The following PPARGC1A variants were observed in gnomAD, a reference collection of about 807,000 sequenced individuals.
The protein encoded by PPARGC1A is PPARG coactivator 1 alpha.
Under a neutral mutation model 88.7 loss-of-function variants are expected in PPARGC1A, and 25 were observed. That is an observed-to-expected ratio of 0.28 (90% CI 0.21 to 0.39). The LOEUF is 0.39. Among genes scored for constraint, PPARGC1A ranks in the 10% least tolerant of loss-of-function variants. The pLI is 1.00. For missense variants in PPARGC1A, 880 were observed against 968.7 expected (o/e 0.91, Z 1.22); for synonymous variants, 363 against 355.6 (o/e 1.02, Z -0.24).
At chr4:23,937,023 G>A in the PPARGC1A span, among the ~76,000 whole-genome samples, 2 of 151,998 alleles carry the variant, frequency 1.3e-5, no homozygotes, top group Non-Finnish European at 2.9e-5. Context: ...TCTGTGCGAA[G>A]TCACGAAGAA....
At chr4:24,164,976 G>A in the PPARGC1A span, among the ~76,000 whole-genome samples, 13 of 152,162 alleles carry the variant, frequency 8.5e-5, no homozygotes, top group East Asian at 3.9e-4. Flanking sequence ...TGAGGGGGAC[G>A]ATTCAAAGTC....
In PPARGC1A at chr4:23,814,635, AAGAG is replaced by A. The variant is rs377401173; in HGVS notation, c.878-34_878-31del. On this transcript the variant is annotated intron_variant, in intron 7 of 12. Transcript: ENST00000264867. Reference sequence around the variant, plus strand: ...GGCAAAAATTAAAAAAAAAAAAAAAAAGAGAGAGAAAGAAAAGAGACAGAGATAA... The same window carrying A: ...GGCAAAAATTAAAAAAAAAAAAAAAAAGAGAAAGAAAAGAGACAGAGATAA... 3.6e-3 allele frequency: 4,683 copies of A among 1,292,012 alleles called. 111 individuals are homozygous for A. In the African/African-American group the frequency reaches 0.063, roughly 17 times the overall value. 80.0% of individuals were successfully genotyped at this position (1,292,012 alleles called of 1,614,324 possible).
the PPARGC1A span, among the ~76,000 whole-genome samples, chr4:24,054,657 C>T: frequency 6.6e-6 from 1 of 152,136 alleles, no homozygotes; most frequent in Admixed American, 6.5e-5. Flanking sequence ...ATTCAACTGG[C>T]AAATGAGTTT....
At chr4:24,117,749 A>C in the PPARGC1A span, among the ~76,000 whole-genome samples, 6,548 of 152,052 alleles carry the variant, frequency 0.043, 405 homozygotes, top group African/African-American at 0.13. Flanking sequence ...TTTACAGAAA[A>C]AAGACATAAT....
the PPARGC1A span, among the ~76,000 whole-genome samples, chr4:24,134,962 C>T: frequency 6.6e-6 from 1 of 152,176 alleles, no homozygotes; most frequent in Non-Finnish European, 1.5e-5. Flanking sequence ...ACTTAATTCC[C>T]TTCCTGCACA....
the PPARGC1A span, among the ~76,000 whole-genome samples, chr4:24,268,034 C>T: frequency 6.6e-6 from 1 of 152,122 alleles, no homozygotes. Context: ...ATTCATACAT[C>T]TCTGTGATGT....
the PPARGC1A span, among the ~76,000 whole-genome samples, chr4:24,239,100 G>A: frequency 6.6e-6 from 1 of 152,018 alleles, no homozygotes; most frequent in Non-Finnish European, 1.5e-5. Flanking sequence ...CAGAAATTTA[G>A]GTTTCTTACT....
At chr4:24,241,225 T>C in the PPARGC1A span, among the ~76,000 whole-genome samples, 1 of 152,102 alleles carries the variant, frequency 6.6e-6, no homozygotes, top group East Asian at 1.9e-4. Flanking sequence ...ATCACAAAAG[T>C]TTAGTAAAAA....
the PPARGC1A span, among the ~76,000 whole-genome samples, chr4:24,456,455 A>G: frequency 2.9e-4 from 44 of 152,270 alleles, no homozygotes; most frequent in Non-Finnish European, 5.1e-4. Context: ...TGAGCTTGAT[A>G]TTCCATACGA....
At chr4:23,982,611 A>G in the PPARGC1A span, among the ~76,000 whole-genome samples, 1 of 152,190 alleles carries the variant, frequency 6.6e-6, no homozygotes, top group Admixed American at 6.5e-5. Context: ...ATAAATATTG[A>G]AGGACAACCA....
the PPARGC1A span, among the ~76,000 whole-genome samples, chr4:23,925,641 T>C: frequency 5.9e-5 from 9 of 152,264 alleles, no homozygotes; most frequent in South Asian, 2.1e-4. Context: ...AAAAGAAGAA[T>C]TGACCTAAGC....
chr4:24,309,705 C>A, the PPARGC1A span, among the ~76,000 whole-genome samples: 1 of 152,134 alleles, frequency 6.6e-6, no homozygotes, highest in Non-Finnish European at 1.5e-5. Context: ...CCTCAGCCTC[C>A]TGAGCAGCTA....
At chr4:23,868,642 C>T (rs866797142) in intron 2 of PPARGC1A, among the ~76,000 whole-genome samples, 11 of 152,134 alleles carry the variant, frequency 7.2e-5, no homozygotes, top group South Asian at 6.2e-4. Context: ...AAGGCCTTAA[C>T]GAAAGAAAAA....
At chr4:24,090,877 A>C in the PPARGC1A span, among the ~76,000 whole-genome samples, 2 of 152,240 alleles carry the variant, frequency 1.3e-5, no homozygotes, top group Non-Finnish European at 2.9e-5. Context: ...AGGTATTGTA[A>C]CGTATAAACA....
At chr4:24,271,981 T>A in the PPARGC1A span, among the ~76,000 whole-genome samples, 1 of 152,178 alleles carries the variant, frequency 6.6e-6, no homozygotes, top group Non-Finnish European at 1.5e-5. Flanking sequence ...CTGGTCTTCA[T>A]AAAAGTGACC....
chr4:24,224,707 C>T, the PPARGC1A span, among the ~76,000 whole-genome samples: 1 of 152,074 alleles, frequency 6.6e-6, no homozygotes, highest in Admixed American at 6.6e-5. Context: ...GTGGAGATGA[C>T]TGATCATAAT....
At chr4:24,242,924 G>A in the PPARGC1A span, among the ~76,000 whole-genome samples, 1 of 152,006 alleles carries the variant, frequency 6.6e-6, no homozygotes, top group Non-Finnish European at 1.5e-5. Context: ...TGTTTATTGG[G>A]GAAACCTTTC....
At chr4:23,816,223 G>C (rs1162345913) in intron 7 of PPARGC1A, among the ~76,000 whole-genome samples, 1 of 152,110 alleles carries the variant, frequency 6.6e-6, no homozygotes, top group African/African-American at 2.4e-5. Flanking sequence ...CTCCACTCAT[G>C]GTCACACCTG....
the PPARGC1A span, among the ~76,000 whole-genome samples, chr4:24,283,211 A>G: frequency 6.6e-6 from 1 of 152,136 alleles, no homozygotes; most frequent in Non-Finnish European, 1.5e-5. Flanking sequence ...ATTGTTCTCG[A>G]CCACCAAGGT....
Sources: allele counts gnomAD v4.1 joint callset (sites outside exome capture counted in the v4.1 genomes callset), GRCh38; gene constraint gnomAD v4.1.1; transcripts MANE v1.5; gene names NCBI Gene and HGNC (gene_info 2026-07-23, HGNC 2026-07-21).